PTPRG: variants seen among roughly 807,000 people sequenced by gnomAD.
The protein encoded by PTPRG is receptor-type tyrosine-protein phosphatase gamma.
PTPRG carries 102 observed loss-of-function variants against 165.3 expected under a neutral mutation model. The observed-to-expected ratio is 0.62, with a 90% CI of 0.53 to 0.73. The LOEUF (loss-of-function observed/expected upper bound fraction) is 0.73. PTPRG is among the 30% of genes least tolerant of loss of function. The pLI is 0.00. For synonymous variants in PTPRG, 675 were observed against 669.5 expected, an observed-to-expected ratio of 1.01 and a Z score of -0.13; for missense variants, 1,866 against 1,861.4, an observed-to-expected ratio of 1.00 and a Z score of -0.05.
chr3:62,272,875 G>C, intron 21 of PTPRG, 71 bp from the exon 22 acceptor site: 1 of 1,412,936 alleles, frequency 7.1e-7, no homozygotes, highest in Non-Finnish European at 9.4e-7. Context: ...GTTTAGATTG[G>C]AATTTTTCGA....
intron 1 of PTPRG, among the ~76,000 whole-genome samples, chr3:61,732,927 T>C (rs2032572512): frequency 6.6e-6 from 1 of 152,204 alleles, no homozygotes; most frequent in Non-Finnish European, 1.5e-5. Context: ...GTTAGCATAA[T>C]GCCTTCCTGT....
chr3:61,568,801 G>A (rs1261637290), intron 1 of PTPRG, among the ~76,000 whole-genome samples: 2 of 151,966 alleles, frequency 1.3e-5, no homozygotes, highest in Non-Finnish European at 2.9e-5. Context: ...CCAGCTACTC[G>A]GGAGGCTGAG....
At chr3:62,194,949 G>A (rs1021249164) in intron 9 of PTPRG, 113 bp from the exon 10 acceptor site, 15 of 963,470 alleles carry the variant, frequency 1.6e-5, no homozygotes, top group East Asian at 7.3e-5. Flanking sequence ...TTGGTCAGCA[G>A]GGAAGCATCA....
chr3:61,736,651 A>C lies in PTPRG; in HGVS notation c.86-12227A>C, dbSNP rs1329715058. Among the ~76,000 whole-genome samples the C allele has an allele frequency of 2.6e-5, 4 of 151,920 alleles. No individual in the cohort carries two copies. The East Asian group carries it at 5.8e-4, about 22-fold the overall frequency. On this transcript the variant is annotated intron_variant, in intron 1 of 29. Transcript: ENST00000474889. ...TTTCCAAACTTTTTCTTCCAGGAGC[A>C]CTCCCTCCACAGTCCCCTGTGCACA...
At chr3:62,202,144 T>C (rs1700109233) in intron 11 of PTPRG, among the ~76,000 whole-genome samples, 1 of 151,980 alleles carries the variant, frequency 6.6e-6, no homozygotes. Context: ...GCTCAGTGAG[T>C]TAAAGTAATG....
At chr3:62,106,812 G>T (rs994350709) in intron 5 of PTPRG, among the ~76,000 whole-genome samples, 2 of 152,174 alleles carry the variant, frequency 1.3e-5, no homozygotes, top group African/African-American at 4.8e-5. Flanking sequence ...ATACCTAAGA[G>T]TATTTTAATT....
Position 61,610,786 on chromosome 3 carries a change from T to TCC in PTPRG, c.85+48415_85+48416insCC, listed in dbSNP as rs1559523212. Among the ~76,000 whole-genome samples, 65 of 40,444 alleles carry TCC rather than the reference T, an allele frequency of 1.6e-3. 1 individual carries two copies. The highest frequency in any genetic ancestry group is 5.6e-3 in the Admixed American group (15 of 2,668). 26.5% of individuals were successfully genotyped at this position (40,444 alleles called of 152,430 possible). ...CCCTCCCTCCCTACCTCCCTCCCTC[T>TCC]CTCTCTCCATCTCTCTTTCTCTATC... On this transcript the variant is annotated intron_variant, in intron 1 of 29. Coordinates refer to ENST00000474889, the MANE Select transcript of PTPRG (RefSeq NM_002841.4).
Position 61,869,637 on chromosome 3 carries a change from G to T in PTPRG, c.191-119988G>T, listed in dbSNP as rs549278471. The stretch of plus-strand genomic sequence containing the variant: ...TCTGTCACCCAGGCGGGAGTGCAGT[G>T]GTGCATTCATGGCTTACTGCAGCCT... On this transcript the variant is annotated intron_variant, in intron 2 of 29. Transcript: ENST00000474889. Among the ~76,000 whole-genome samples the T allele has an allele frequency of 2.3e-3, 355 of 151,832 alleles. 2 individuals carry two copies. Among genetic ancestry groups the T allele is most frequent in the African/African-American group, 8.2e-3 (339 of 41,382 alleles).
chr3:61,810,006 T>C (rs2035526822), intron 2 of PTPRG, among the ~76,000 whole-genome samples: 1 of 152,096 alleles, frequency 6.6e-6, no homozygotes, highest in Non-Finnish European at 1.5e-5. Context: ...ATAGCTGCAA[T>C]GGGGGGCTGG....
intron 1 of PTPRG, among the ~76,000 whole-genome samples, chr3:61,716,503 A>G (rs769924878): frequency 6.6e-6 from 1 of 152,172 alleles, no homozygotes; most frequent in African/African-American, 2.4e-5. Context: ...GTCCCTTTTT[A>G]TAAAGAAAGT....
chr3:61,610,237 C>G (rs757759709), intron 1 of PTPRG, among the ~76,000 whole-genome samples: 17 of 151,728 alleles, frequency 1.1e-4, no homozygotes, highest in Non-Finnish European at 2.2e-4. Flanking sequence ...ATTTAATGTG[C>G]TTGGAATAGT....
rs1000729366 is a variant in PTPRG at position 61,633,606 on chromosome 3, TG to T, written c.85+71235del. Among the ~76,000 whole-genome samples the T allele has an allele frequency of 3.3e-5, 5 of 152,358 alleles. No individual in the cohort carries two copies. In the South Asian group the frequency reaches 8.3e-4, roughly 25 times the overall value. Reference sequence around the variant, plus strand: ...TTTTTGTGGATTCCTTAAGATTTTCTGTATACAAGATTATGTCATTTGCAAA... The same window carrying T: ...TTTTTGTGGATTCCTTAAGATTTTCTTATACAAGATTATGTCATTTGCAAA... On this transcript the variant is annotated intron_variant, in intron 1 of 29. Coordinates refer to ENST00000474889, the MANE Select transcript of PTPRG (RefSeq NM_002841.4).
intron 5 of PTPRG, among the ~76,000 whole-genome samples, chr3:62,129,258 T>C (rs142539454): frequency 6.6e-6 from 1 of 152,164 alleles, no homozygotes; most frequent in African/African-American, 2.4e-5. Context: ...GTTGTTTTCC[T>C]TTTGCATAGC....
chr3:61,630,360 G>A (rs1185324650), intron 1 of PTPRG, among the ~76,000 whole-genome samples: 1 of 152,160 alleles, frequency 6.6e-6, no homozygotes, highest in East Asian at 1.9e-4. Flanking sequence ...CCACCATCCT[G>A]TATGAATATG....
intron 3 of PTPRG, among the ~76,000 whole-genome samples, chr3:62,001,713 A>G (rs1465506242): frequency 6.6e-6 from 1 of 152,200 alleles, no homozygotes; most frequent in Non-Finnish European, 1.5e-5. Flanking sequence ...TGATTTGAAA[A>G]GGAAAAGTCG....
chr3:61,756,383 T>C (rs2033634494), intron 2 of PTPRG, among the ~76,000 whole-genome samples: 1 of 152,108 alleles, frequency 6.6e-6, no homozygotes, highest in African/African-American at 2.4e-5. Context: ...GTTCCAAGGG[T>C]AGATGGTGTA....
At position 61,803,357 on chromosome 3, in the gene PTPRG, C is replaced by T. The variant is rs115455353; in HGVS notation, c.190+54375C>T. On this transcript the variant is annotated intron_variant, in intron 2 of 29. Transcript: ENST00000474889. ...ATATTTTACATTCTTTTTTTTCCTGCGAAGTCTTTGAAATCTGATGTGTAT... is the reference window on the plus strand; with the variant it reads ...ATATTTTACATTCTTTTTTTTCCTGTGAAGTCTTTGAAATCTGATGTGTAT... Among the ~76,000 whole-genome samples the T allele has an allele frequency of 7.3e-3, 1,091 of 149,134 alleles. 12 individuals are homozygous for T. The highest frequency in any genetic ancestry group is 0.025 in the African/African-American group (1,008 of 40,182).
At chr3:61,583,675 A>G (rs1361341583) in intron 1 of PTPRG, among the ~76,000 whole-genome samples, 3 of 151,902 alleles carry the variant, frequency 2.0e-5, no homozygotes, top group Admixed American at 1.3e-4. Context: ...GGGTGGTAAA[A>G]AACTCAGGCT....
chr3:61,984,794 T>C (rs1244109421), intron 2 of PTPRG, among the ~76,000 whole-genome samples: 5 of 152,216 alleles, frequency 3.3e-5, no homozygotes, highest in Non-Finnish European at 5.9e-5. Flanking sequence ...TGTCTGTGTC[T>C]CCTTAATCTT....
Sources: allele counts gnomAD v4.1 joint callset (sites outside exome capture counted in the v4.1 genomes callset), GRCh38; gene constraint gnomAD v4.1.1; transcripts MANE v1.5; gene names NCBI Gene and HGNC (gene_info 2026-07-23, HGNC 2026-07-21).